The following MAP3K7 variants were observed in gnomAD, a reference collection of about 807,000 sequenced individuals.
MAP3K7 encodes mitogen-activated protein kinase kinase kinase 7.
MAP3K7 carries 21 observed loss-of-function variants against 84.8 expected under a neutral mutation model. The ratio of observed to expected loss-of-function variants is 0.25; its 90% CI spans 0.18 to 0.36. MAP3K7 has a LOEUF of 0.36. MAP3K7 is among the 10% of genes least tolerant of loss of function. The pLI, the probability that MAP3K7 is intolerant of heterozygous loss-of-function variation, is 1.00. For synonymous variants in MAP3K7, 241 were observed against 247.7 expected (o/e 0.97, Z 0.25); for missense variants, 503 against 747.7 (o/e 0.67, Z 3.82).
chr6:90,556,708 G>A, intron 5 of MAP3K7, 84 bp from the exon 6 acceptor site: 2 of 1,382,482 alleles, frequency 1.4e-6, no homozygotes, highest in East Asian at 2.4e-5. Flanking sequence ...TTGTGGAAAT[G>A]GAAAAGGTTA....
At chr6:90,531,880 C>T (rs1366216465) in intron 13 of MAP3K7, among the ~76,000 whole-genome samples, 1 of 150,868 alleles carries the variant, frequency 6.6e-6, no homozygotes, top group East Asian at 2.0e-4. Context: ...CACTTGAACT[C>T]AGGAGGCAGA....
chr6:90,564,851 A>C (rs1035864639), intron 3 of MAP3K7, among the ~76,000 whole-genome samples: 2 of 152,238 alleles, frequency 1.3e-5, no homozygotes, highest in African/African-American at 4.8e-5. Context: ...GTAAAAGAAC[A>C]GAAATTACAA....
intron 1 of MAP3K7, among the ~76,000 whole-genome samples, chr6:90,573,411 G>C (rs1217087783): frequency 4.6e-5 from 7 of 151,734 alleles, no homozygotes; most frequent in Non-Finnish European, 1.0e-4. Flanking sequence ...TCAAAAAAAG[G>C]GCATTAATAA....
rs1009073321 is a variant in MAP3K7 at position 90,542,454 on chromosome 6, G to T, written c.1291+2098C>A. The T allele has an allele frequency of 4.1e-6, 4 of 984,990 alleles. No individual in the cohort carries two copies. The African/African-American group carries it at 5.2e-5, about 13-fold the overall frequency. 61.0% of individuals were successfully genotyped at this position (984,990 alleles called of 1,614,324 possible). On this transcript the variant is annotated intron_variant, in intron 12 of 16. Transcript: ENST00000369329. ...CTGCTCTGGCAATTAAGAGAATTAA[G>T]GTTACCTGATTCCATAAAGGCCCAA...
At chr6:90,568,420 C>T in intron 3 of MAP3K7, 138 bp downstream of exon 3, 1 of 631,254 alleles carries the variant, frequency 1.6e-6, no homozygotes, top group Admixed American at 3.4e-5. Context: ...ATTGGAGGTA[C>T]CTTTTTATCT....
At chr6:90,575,196 A>T (rs1161626255) in intron 1 of MAP3K7, among the ~76,000 whole-genome samples, 1 of 152,164 alleles carries the variant, frequency 6.6e-6, no homozygotes, top group African/African-American at 2.4e-5. Context: ...TATATAAAGA[A>T]TGGACCCCTG....
chr6:90,518,138 G>A (rs1215031249), intron 16 of MAP3K7, among the ~76,000 whole-genome samples: 2 of 151,662 alleles, frequency 1.3e-5, no homozygotes, highest in African/African-American at 4.8e-5. Context: ...ACAACTGAAT[G>A]TTAATAAATC....
At chr6:90,526,965 T>G (rs1259308210) in intron 13 of MAP3K7, among the ~76,000 whole-genome samples, 1 of 151,792 alleles carries the variant, frequency 6.6e-6, no homozygotes, top group African/African-American at 2.4e-5. Flanking sequence ...AAAAATAAAA[T>G]AAAAATAAAA....
At chr6:90,569,495 CTTTT>C (rs1341686947) in intron 2 of MAP3K7, among the ~76,000 whole-genome samples, 4 of 151,694 alleles carry the variant, frequency 2.6e-5, no homozygotes, top group Admixed American at 1.3e-4. Flanking sequence ...TTCTTTCTTT[CTTTT>C]GAGACAGGTT....
At chr6:90,554,676 G>A (rs1244720121) in intron 6 of MAP3K7, among the ~76,000 whole-genome samples, 1 of 152,058 alleles carries the variant, frequency 6.6e-6, no homozygotes, top group Non-Finnish European at 1.5e-5. Context: ...GGGTTGTCTA[G>A]AGCAATAAAA....
intron 5 of MAP3K7, among the ~76,000 whole-genome samples, chr6:90,558,248 G>A (rs950554192): frequency 6.6e-6 from 1 of 152,120 alleles, no homozygotes; most frequent in Non-Finnish European, 1.5e-5. Flanking sequence ...CTTGAACCCG[G>A]GAGGTGGAGG....
intron 9 of MAP3K7, among the ~76,000 whole-genome samples, chr6:90,549,475 G>A (rs1303556360): frequency 1.3e-5 from 2 of 152,184 alleles, no homozygotes; most frequent in Admixed American, 1.3e-4. Flanking sequence ...CCGAGTGTCA[G>A]CTTTCATTAG....
chr6:90,537,695 A>G (rs1775723871), intron 12 of MAP3K7, among the ~76,000 whole-genome samples: 1 of 151,974 alleles, frequency 6.6e-6, no homozygotes, highest in African/African-American at 2.4e-5. Context: ...TTACAAACTA[A>G]AACAACAAAA....
At chr6:90,582,681 A>C (rs540595169) in intron 1 of MAP3K7, among the ~76,000 whole-genome samples, 14 of 150,782 alleles carry the variant, frequency 9.3e-5, no homozygotes, top group African/African-American at 3.4e-4. Flanking sequence ...CTTTATTCAA[A>C]ACCTAGTTTT....
In MAP3K7 at chr6:90,538,114, G is replaced by C. The variant is rs149119900; in HGVS notation, c.1292-1713C>G. ...ATGAGAAATCTTTAAGCTACTGCAT[G>C]AATCAAAGCAAGCAGTATTAGGCAA... On this transcript the variant is annotated intron_variant, in intron 12 of 16. Transcript: ENST00000369329. Among the ~76,000 whole-genome samples, 89 of 151,972 alleles carry C rather than the reference G, an allele frequency of 5.9e-4. No homozygotes were observed. The East Asian group carries it at 0.016, about 27-fold the overall frequency.
At chr6:90,527,471 T>A (rs957761741) in intron 13 of MAP3K7, among the ~76,000 whole-genome samples, 1 of 138,426 alleles carries the variant, frequency 7.2e-6, no homozygotes, top group Non-Finnish European at 1.6e-5. Context: ...TCGCCCGTGT[T>A]GTGCAGGCTG....
Position 90,516,409 on chromosome 6 carries a change from G to T in MAP3K7, c.*92C>A. ...GTTGGCATTCAGAACACGCCAAAAAGCTAACACTCATGAATCGTCATTATA... is the reference window on the plus strand; with the variant it reads ...GTTGGCATTCAGAACACGCCAAAAATCTAACACTCATGAATCGTCATTATA... On this transcript the variant is annotated 3_prime_UTR_variant, in exon 17 of 17. Transcript: ENST00000369329. The T allele has an allele frequency of 1.5e-6, 2 of 1,341,670 alleles. No individual in the cohort carries two copies. The highest frequency in any genetic ancestry group is 2.1e-6 in the Non-Finnish European group (2 of 959,168). The allele number at this position is 1,341,670 out of a possible 1,614,324, so 83.1% of individuals were successfully genotyped here. A position where few individuals can be genotyped will look rare whatever the true frequency, so the allele number is the denominator to read the frequency against.
chr6:90,529,802 A>C (rs910040350), intron 13 of MAP3K7, among the ~76,000 whole-genome samples: 2 of 152,168 alleles, frequency 1.3e-5, no homozygotes, highest in African/African-American at 4.8e-5. Context: ...ATAACCTCTT[A>C]AGGGCAGAGA....
At chr6:90,586,672 G>A (rs1777469463) in intron 1 of MAP3K7, 92 bp downstream of exon 1, 2 of 1,484,942 alleles carry the variant, frequency 1.3e-6, no homozygotes, top group Non-Finnish European at 1.8e-6. Flanking sequence ...GCGAATTAGA[G>A]GGGCCCCGGG....
Sources: allele counts gnomAD v4.1 joint callset (sites outside exome capture counted in the v4.1 genomes callset), GRCh38; gene constraint gnomAD v4.1.1; transcripts MANE v1.5; gene names NCBI Gene and HGNC (gene_info 2026-07-23, HGNC 2026-07-21).